The following ST18 variants were observed in gnomAD, a reference collection of about 807,000 sequenced individuals.
ST18 encodes the protein ST18 C2H2C-type zinc finger transcription factor.
Under a neutral mutation model 110.0 loss-of-function variants are expected in ST18, and 50 were observed. That is an observed-to-expected ratio of 0.45 (90% CI 0.36 to 0.58). The LOEUF is 0.58. Among genes scored for constraint, ST18 ranks in the 20% least tolerant of loss-of-function variants. The probability of loss-of-function intolerance (pLI) is 0.00; values close to 1 mark genes in which losing one functional copy is unlikely to be tolerated. For missense variants in ST18, 1,306 were observed against 1,280.1 expected (o/e 1.02, Z -0.31); for synonymous variants, 461 against 452.4 (o/e 1.02, Z -0.24).
Position 52,172,565 on chromosome 8 carries a change from G to C in ST18, c.296C>G (p.Pro99Arg), listed in dbSNP as rs778917634. 4 of 1,569,320 alleles carry C rather than the reference G, an allele frequency of 2.5e-6. No individual in the cohort carries two copies. The highest frequency in any genetic ancestry group is 3.4e-6 in the Non-Finnish European group (4 of 1,161,628). ...AGTTGAAAGAAGACTTTCATCCATAGGTTTTATCATGATTTCCTCTATGGA... is the reference window on the plus strand; with the variant it reads ...AGTTGAAAGAAGACTTTCATCCATACGTTTTATCATGATTTCCTCTATGGA... ...HSTAEEIMIK[P>R]MDESLLSTAQ... is the part of the protein sequence containing the mutation. Residue 99 changes from proline (P) to arginine (R), a missense_variant, in exon 10 of 26, where the codon CCT becomes CGT. Coordinates refer to ENST00000689386, the MANE Select transcript of ST18 (RefSeq NM_001352837.2).
chr8:52,238,151 G>A (rs1210205120), intron 2 of ST18, among the ~76,000 whole-genome samples: 1 of 152,088 alleles, frequency 6.6e-6, no homozygotes, highest in Non-Finnish European at 1.5e-5. Context: ...AAAATAGCTG[G>A]CAATTTCTCA....
At chr8:52,300,185 G>A (rs2095696478) in intron 2 of ST18, among the ~76,000 whole-genome samples, 2 of 152,148 alleles carry the variant, frequency 1.3e-5, no homozygotes, top group African/African-American at 4.8e-5. Context: ...ATGTAAGTTG[G>A]TTCTTCCACC....
chr8:52,129,363 A>G (rs550341681), intron 22 of ST18, among the ~76,000 whole-genome samples: 1 of 151,676 alleles, frequency 6.6e-6, no homozygotes, highest in African/African-American at 2.4e-5. Flanking sequence ...CTGAGGCAGA[A>G]AAATCGCTTG....
chr8:52,255,561 A>G (rs985960678), intron 2 of ST18, among the ~76,000 whole-genome samples: 1 of 152,162 alleles, frequency 6.6e-6, no homozygotes, highest in Non-Finnish European at 1.5e-5. Flanking sequence ...ATACTAACCA[A>G]TATAAAGATT....
chr8:52,366,861 G>A (rs1828168713), intron 2 of ST18, among the ~76,000 whole-genome samples: 1 of 152,184 alleles, frequency 6.6e-6, no homozygotes, highest in African/African-American at 2.4e-5. Context: ...ATGTTCCCAA[G>A]ATCTATAAAA....
intron 8 of ST18, chr8:52,194,867 T>C (rs2075714762): frequency 6.6e-6 from 1 of 152,238 alleles, no homozygotes; most frequent in East Asian, 1.9e-4. Flanking sequence ...CATATCATTT[T>C]AAAGATAATT....
chr8:52,314,960 G>C (rs1255942399), intron 2 of ST18, among the ~76,000 whole-genome samples: 1 of 152,146 alleles, frequency 6.6e-6, no homozygotes, highest in African/African-American at 2.4e-5. Flanking sequence ...AGAGGGCCAG[G>C]AGAAAGGGCA....
At chr8:52,407,154 C>G (rs1844816773) in intron 2 of ST18, 2 of 152,154 alleles carry the variant, frequency 1.3e-5, no homozygotes, top group African/African-American at 4.8e-5. Flanking sequence ...ATAAATGTCT[C>G]CATAGATTTG....
intron 2 of ST18, among the ~76,000 whole-genome samples, chr8:52,396,222 T>C: frequency 6.6e-6 from 1 of 152,326 alleles, no homozygotes; most frequent in South Asian, 2.1e-4. Flanking sequence ...CATGTTATAT[T>C]AAATCTCTAG....
In ST18 at chr8:52,158,999, C is replaced by T. The variant is rs1373422104; in HGVS notation, c.1705G>A (p.Asp569Asn). 1 of 1,613,974 alleles carries T rather than the reference C, an allele frequency of 6.2e-7. No individual in the cohort carries two copies. Among genetic ancestry groups the T allele is most frequent in the African/African-American group, 1.3e-5 (1 of 74,912 alleles). ...SSYSYGQCSE[D>N]THIAAAAAIL... ...GCAGCAGCTGCTGCTATGTGGGTGT[C>T]TTCACTACATTGACCGTAGCTATAA... Residue 569 changes from aspartate to asparagine, a missense_variant, in exon 15 of 26, where the codon GAC becomes AAC. Coordinates refer to ENST00000689386, the MANE Select transcript of ST18 (RefSeq NM_001352837.2).
At chr8:52,378,303 AG>A (rs1226152914) in intron 2 of ST18, among the ~76,000 whole-genome samples, 6 of 152,226 alleles carry the variant, frequency 3.9e-5, no homozygotes, top group African/African-American at 1.4e-4. Flanking sequence ...TGGATACTCC[AG>A]TTACCCTGAT....
intron 2 of ST18, among the ~76,000 whole-genome samples, chr8:52,283,852 T>G (rs191040090): frequency 3.5e-4 from 53 of 151,832 alleles, no homozygotes; most frequent in African/African-American, 1.3e-3. Context: ...CAACTGAGAG[T>G]GAATATGGAG....
At chr8:52,322,501 C>T (rs192902512) in intron 2 of ST18, among the ~76,000 whole-genome samples, 67 of 152,286 alleles carry the variant, frequency 4.4e-4, no homozygotes, top group Admixed American at 1.9e-3. Context: ...CAAATAACTA[C>T]TTGAATTATA....
intron 2 of ST18, among the ~76,000 whole-genome samples, chr8:52,279,428 A>G (rs2095333650): frequency 6.6e-6 from 1 of 152,190 alleles, no homozygotes; most frequent in South Asian, 2.1e-4. Flanking sequence ...CACAGAGTGA[A>G]AAATCTTAAC....
chr8:52,369,584 T>A (rs921259937), intron 2 of ST18, among the ~76,000 whole-genome samples: 2 of 152,232 alleles, frequency 1.3e-5, no homozygotes, highest in African/African-American at 2.4e-5. Context: ...ACTGTTTTTT[T>A]ATAAATCTCC....
intron 8 of ST18, among the ~76,000 whole-genome samples, chr8:52,186,257 T>C (rs1190624357): frequency 6.6e-6 from 1 of 152,196 alleles, no homozygotes; most frequent in East Asian, 1.9e-4. Context: ...ATTTTAAACC[T>C]AGGCAAAGTA....
chr8:52,291,695 T>C lies in ST18; in HGVS notation c.-464-61618A>G, dbSNP rs147973513. 6.0e-3 allele frequency among the ~76,000 whole-genome samples: 915 copies of C among 152,302 alleles called. 5 individuals are homozygous for C. The highest frequency in any genetic ancestry group is 0.021 in the African/African-American group (867 of 41,564). On this transcript the variant is annotated intron_variant, in intron 2 of 25. Coordinates refer to ENST00000689386, the MANE Select transcript of ST18 (RefSeq NM_001352837.2). ...CACTTTTCAGTTTCATTAATAGATG[T>C]GATTTCCATTATTTTACATAATATT...
intron 2 of ST18, among the ~76,000 whole-genome samples, chr8:52,289,464 C>G (rs2139312847): frequency 6.6e-6 from 1 of 152,082 alleles, no homozygotes; most frequent in Admixed American, 6.5e-5. Context: ...AAACAAAAAA[C>G]AAAAAACAAC....
chr8:52,240,646 T>G (rs2093312434), intron 2 of ST18, among the ~76,000 whole-genome samples: 1 of 152,216 alleles, frequency 6.6e-6, no homozygotes, highest in Non-Finnish European at 1.5e-5. Flanking sequence ...ACACATTTCT[T>G]CTTTATATAT....
Sources: allele counts gnomAD v4.1 joint callset (sites outside exome capture counted in the v4.1 genomes callset), GRCh38; gene constraint gnomAD v4.1.1; transcripts MANE v1.5; gene names NCBI Gene and HGNC (gene_info 2026-07-23, HGNC 2026-07-21).